Variants in OXR1 observed in about 807,000 individuals in gnomAD.
The protein encoded by OXR1 is oxidation resistance 1.
In OXR1, 41 loss-of-function variants were observed where a neutral mutation model predicts 104.6. The ratio of observed to expected loss-of-function variants is 0.39; its 90% confidence interval spans 0.31 to 0.51. OXR1 has a LOEUF of 0.51. OXR1 is among the 20% of genes least tolerant of loss of function. The probability of loss-of-function intolerance (pLI) is 0.77; values close to 1 mark genes in which losing one functional copy is unlikely to be tolerated. For synonymous variants in OXR1, 348 were observed against 348.4 expected (o/e 1.00, Z 0.01); for missense variants, 955 against 1,031.9 (o/e 0.93, Z 1.02).
Position 106,683,229 on chromosome 8 carries a change from G to T in OXR1, c.334G>T (p.Ala112Ser). Residue 112 changes from alanine to serine, a missense_variant, in exon 5 of 17, where the codon GCC (alanine) becomes TCC (serine). Coordinates refer to ENST00000517566, the MANE Select transcript of OXR1 (RefSeq NM_001198533.2). ...ATCAAGGGATTCTTTGAATAGCATAGCCCTGAAGTTTGATACAACACCTAA... is the reference window on the plus strand; with the variant it reads ...ATCAAGGGATTCTTTGAATAGCATATCCCTGAAGTTTGATACAACACCTAA... ...VESRDSLNSI[A>S]LKFDTTPNEL... 6.3e-7 allele frequency: 1 copy of T among 1,597,048 alleles called. No homozygotes were observed.
At chr8:106,728,877 C>A (rs1833599575) in intron 11 of OXR1, among the ~76,000 whole-genome samples, 1 of 152,114 alleles carries the variant, frequency 6.6e-6, no homozygotes, top group South Asian at 2.1e-4. Context: ...TCACTAATTT[C>A]ATCACCATTT....
chr8:106,585,135 G>A (rs918817458), intron 3 of OXR1, among the ~76,000 whole-genome samples: 2 of 151,936 alleles, frequency 1.3e-5, no homozygotes, highest in Non-Finnish European at 2.9e-5. Flanking sequence ...CTTTCCTGGG[G>A]TGAAAAGTTG....
intron 3 of OXR1, among the ~76,000 whole-genome samples, chr8:106,591,904 A>C (rs1176706412): frequency 6.6e-6 from 1 of 152,218 alleles, no homozygotes; most frequent in Non-Finnish European, 1.5e-5. Context: ...TTATTCATAA[A>C]ATGGTAAATG....
chr8:106,726,183 GA>G (rs1833321876), intron 11 of OXR1: 8 of 1,491,228 alleles, frequency 5.4e-6, no homozygotes, highest in Non-Finnish European at 1.8e-6. Flanking sequence ...GACAGAGGAA[GA>G]ATGCTTTTGA....
rs550889288 is a variant in OXR1 at position 106,313,682 on chromosome 8, G to A, written c.-139+43315G>A. On this transcript the variant is annotated intron_variant, in intron 1 of 16. Coordinates refer to ENST00000517566, the MANE Select transcript of OXR1 (RefSeq NM_001198533.2). ...AATGAATTTGTCCAGCCATATCATA[G>A]CCTAGAGATATATTATTTCTGTGGC... Among the ~76,000 whole-genome samples, 13 of 152,002 alleles carry A rather than the reference G, an allele frequency of 8.6e-5. No individual in the cohort carries two copies. The South Asian group carries it at 2.7e-3, about 32-fold the overall frequency.
intron 3 of OXR1, among the ~76,000 whole-genome samples, chr8:106,524,012 G>A (rs549074054): frequency 2.0e-5 from 3 of 152,148 alleles, no homozygotes; most frequent in South Asian, 4.2e-4. Context: ...TCCTGACCTC[G>A]TGATCCATCT....
chr8:106,328,120 C>A (rs1373577188), intron 1 of OXR1, among the ~76,000 whole-genome samples: 2 of 152,166 alleles, frequency 1.3e-5, no homozygotes, highest in Non-Finnish European at 2.9e-5. Context: ...CACCACATGG[C>A]AGCAAATTGG....
At chr8:106,313,709 G>C (rs1283176248) in intron 1 of OXR1, among the ~76,000 whole-genome samples, 1 of 151,934 alleles carries the variant, frequency 6.6e-6, no homozygotes, top group Non-Finnish European at 1.5e-5. Flanking sequence ...TTCTGTGGCA[G>C]GAATCCATTG....
intron 3 of OXR1, among the ~76,000 whole-genome samples, chr8:106,584,436 CT>C (rs1274179224): frequency 6.6e-6 from 1 of 151,900 alleles, no homozygotes; most frequent in Non-Finnish European, 1.5e-5. Context: ...GAAAAAAAGG[CT>C]CACACTCAGG....
Position 106,288,542 on chromosome 8 carries a change from G to GTGTGTATA in OXR1, c.-139+18176_-139+18177insGTGTATAT, listed in dbSNP as rs148349338. ...TATATATATATGTATGTGTGTGTGTGTATATATATATAGTGTGTATATATA... is the reference window on the plus strand; with the variant it reads ...TATATATATATGTATGTGTGTGTGTGTGTGTATATATATATATATAGTGTGTATATATA... On this transcript the variant is annotated intron_variant, in intron 1 of 16. Coordinates refer to ENST00000517566, the MANE Select transcript of OXR1 (RefSeq NM_001198533.2). Among the ~76,000 whole-genome samples, 259 of 147,538 alleles carry GTGTGTATA rather than the reference G, an allele frequency of 1.8e-3. 1 individual carries two copies. Among genetic ancestry groups the GTGTGTATA allele is most frequent in the African/African-American group, 5.3e-3 (214 of 40,010 alleles).
At chr8:106,737,069 C>G (rs1422372137) in intron 11 of OXR1, among the ~76,000 whole-genome samples, 1 of 152,042 alleles carries the variant, frequency 6.6e-6, no homozygotes, top group Non-Finnish European at 1.5e-5. Context: ...TCACCTGTGC[C>G]TAGAAGAAAT....
chr8:106,430,365 G>T (rs1002138300), intron 2 of OXR1, among the ~76,000 whole-genome samples: 2 of 152,096 alleles, frequency 1.3e-5, no homozygotes, highest in Admixed American at 1.3e-4. Flanking sequence ...TTACCTATCT[G>T]ATTTCATTTC....
intron 2 of OXR1, among the ~76,000 whole-genome samples, chr8:106,480,511 A>G (rs1302775071): frequency 6.6e-6 from 1 of 151,932 alleles, no homozygotes; most frequent in African/African-American, 2.4e-5. Flanking sequence ...CTGGATATTG[A>G]GTGTTAAACT....
chr8:106,285,829 C>T (rs1420804940), intron 1 of OXR1, among the ~76,000 whole-genome samples: 1 of 87,288 alleles, frequency 1.1e-5, no homozygotes, highest in Non-Finnish European at 2.6e-5. Flanking sequence ...GGACCTTGTT[C>T]TCTAGCAGGT....
chr8:106,449,548 C>G (rs187751286), intron 2 of OXR1, among the ~76,000 whole-genome samples: 9 of 152,258 alleles, frequency 5.9e-5, no homozygotes, highest in African/African-American at 2.2e-4. Flanking sequence ...CCCATTGTAA[C>G]TGATAGCATA....
intron 3 of OXR1, among the ~76,000 whole-genome samples, chr8:106,550,746 G>A (rs1362824618): frequency 1.3e-5 from 2 of 151,968 alleles, no homozygotes; most frequent in African/African-American, 2.4e-5. Flanking sequence ...GTTTCATTAG[G>A]TCTCCCCTGC....
At chr8:106,278,442 A>G (rs1812147845) in intron 1 of OXR1, among the ~76,000 whole-genome samples, 1 of 152,102 alleles carries the variant, frequency 6.6e-6, no homozygotes, top group African/African-American at 2.4e-5. Context: ...ACTAAGATTT[A>G]TGTACAAACA....
intron 3 of OXR1, among the ~76,000 whole-genome samples, chr8:106,523,871 T>C (rs1813444420): frequency 6.6e-6 from 1 of 151,236 alleles, no homozygotes; most frequent in Admixed American, 6.6e-5. Flanking sequence ...ACCTCCTGGG[T>C]TCATGCCATT....
At position 106,721,006 on chromosome 8, in the gene OXR1, A is replaced by G. The variant is rs539401837; in HGVS notation, c.1956+7021A>G. 2.1e-3 allele frequency among the ~76,000 whole-genome samples: 319 copies of G among 152,262 alleles called. 11 individuals are homozygous for G. The South Asian group carries it at 0.062, about 30-fold the overall frequency. ...AATCGCTTTTATCCTGCCATCATTT[A>G]TCATGAGACATTACATGCTGGACAA... On this transcript the variant is annotated intron_variant, in intron 11 of 16. Transcript: ENST00000517566.
Sources: gnomAD v4.1 joint callset for allele counts (sites outside exome capture counted in the v4.1 genomes callset) on GRCh38, gnomAD v4.1.1 for gene constraint, MANE v1.5 for transcripts, NCBI Gene and HGNC (gene_info 2026-07-23, HGNC 2026-07-21) for gene names.